The following ATP10D variants were observed in gnomAD, a reference collection of about 807,000 sequenced individuals.
ATP10D encodes phospholipid-transporting ATPase VD.
A neutral mutation model predicts 144.8 loss-of-function variants in ATP10D; 89 were observed. That is an observed-to-expected ratio of 0.61 (90% CI 0.52 to 0.73). The LOEUF (loss-of-function observed/expected upper bound fraction) is 0.73, where lower values mean the gene tolerates loss of function less well. ATP10D is among the 30% of genes least tolerant of loss of function. The probability of loss-of-function intolerance (pLI) is 0.00; values close to 1 mark genes in which losing one functional copy is unlikely to be tolerated. For missense variants in ATP10D, 1,603 were observed against 1,714.8 expected (o/e 0.93, Z 1.15); for synonymous variants, 571 against 615.1 (o/e 0.93, Z 1.06).
In ATP10D at chr4:47,536,884, A is replaced by G; in HGVS notation, c.1342A>G (p.Met448Val). Reference sequence around the variant, plus strand: ...GACAGGAACCCTCACTGAGAATAAGATGGTTTTTCGAAGATGTAGTGTGGC... The same window carrying G: ...GACAGGAACCCTCACTGAGAATAAGGTGGTTTTTCGAAGATGTAGTGTGGC... ...DKTGTLTENK[M>V]VFRRCSVAGF... Residue 448 changes from methionine (M) to valine (V), a missense_variant, in exon 9 of 23, where the codon ATG becomes GTG. Met to Val is a conservative substitution (Grantham distance 21, BLOSUM62 1). Transcript: ENST00000273859. The G allele has an allele frequency of 6.2e-7, 1 of 1,613,270 alleles. No individual in the cohort carries two copies. Among genetic ancestry groups the G allele is most frequent in the South Asian group, 1.1e-5 (1 of 90,962 alleles).
intron 16 of ATP10D, among the ~76,000 whole-genome samples, chr4:47,569,602 T>C (rs1719836798): frequency 6.6e-6 from 1 of 152,196 alleles, no homozygotes; most frequent in African/African-American, 2.4e-5. Context: ...ATTGGCAAAC[T>C]ACCTTTTTAC....
At position 47,563,517 on chromosome 4, in the gene ATP10D, A is replaced by C. The variant is rs564230807; in HGVS notation, c.2669-64A>C. ...GCTAACAGATATGATTCAACTGTAG[A>C]CTAGCTGAGCTTCAGCTGGCTTTGG... On this transcript the variant is annotated intron_variant, in intron 14 of 22. Transcript: ENST00000273859. 6.0e-5 allele frequency: 84 copies of C among 1,400,054 alleles called. No homozygotes were observed. In the Middle Eastern group the frequency reaches 7.4e-4, roughly 12 times the overall value. 86.7% of individuals were successfully genotyped at this position (1,400,054 alleles called of 1,614,324 possible).
chr4:47,502,012 T>A (rs1331988984), intron 1 of ATP10D, among the ~76,000 whole-genome samples: 1 of 152,160 alleles, frequency 6.6e-6, no homozygotes, highest in Non-Finnish European at 1.5e-5. Context: ...TAAAAAGAGA[T>A]TAAGACATAT....
chr4:47,560,766 T>C (rs1450687339), intron 13 of ATP10D, among the ~76,000 whole-genome samples, 183 bp from the exon 14 acceptor site: 2 of 147,616 alleles, frequency 1.4e-5, no homozygotes, highest in Non-Finnish European at 3.0e-5. Flanking sequence ...TGCACTAGTC[T>C]GACCACAGAG....
intron 20 of ATP10D, 43 bp from the exon 21 acceptor site, chr4:47,581,917 G>C: frequency 6.6e-7 from 1 of 1,518,092 alleles, no homozygotes; most frequent in Non-Finnish European, 9.1e-7. Flanking sequence ...CCCACACCAA[G>C]TTGCACAACT....
intron 19 of ATP10D, among the ~76,000 whole-genome samples, chr4:47,577,561 G>A (rs1463535203): frequency 6.6e-6 from 1 of 152,180 alleles, no homozygotes; most frequent in Non-Finnish European, 1.5e-5. Context: ...TCCAGCCATA[G>A]CAAGCTCTCA....
intron 1 of ATP10D, among the ~76,000 whole-genome samples, chr4:47,507,356 C>T (rs1716073192): frequency 1.3e-5 from 2 of 152,112 alleles, no homozygotes; most frequent in Admixed American, 1.3e-4. Context: ...TTGACATTGG[C>T]CTCTGGCTCC....
chr4:47,570,158 A>G (rs1425751731), intron 16 of ATP10D, among the ~76,000 whole-genome samples: 1 of 152,162 alleles, frequency 6.6e-6, no homozygotes, highest in African/African-American at 2.4e-5. Context: ...TCAGCAAGAG[A>G]TGATGGCAGC....
chr4:47,566,404 A>T (rs1203165341), intron 15 of ATP10D, among the ~76,000 whole-genome samples: 1 of 152,022 alleles, frequency 6.6e-6, no homozygotes, highest in Non-Finnish European at 1.5e-5. Flanking sequence ...TTTCATTTAA[A>T]TTTTTCTCCT....
intron 5 of ATP10D, 129 bp downstream of exon 5, chr4:47,525,771 AC>A: frequency 1.4e-6 from 1 of 690,048 alleles, no homozygotes; most frequent in Non-Finnish European, 2.5e-6. Context: ...TTAGCCACCT[AC>A]TAAAATAGTT....
intron 15 of ATP10D, among the ~76,000 whole-genome samples, chr4:47,564,784 T>C (rs879656813): frequency 2.6e-5 from 4 of 152,074 alleles, no homozygotes; most frequent in Non-Finnish European, 4.4e-5. Flanking sequence ...TTTGTGCACA[T>C]TGTTTATTTT....
At chr4:47,520,621 T>G (rs569619594) in intron 3 of ATP10D, among the ~76,000 whole-genome samples, 1 of 152,168 alleles carries the variant, frequency 6.6e-6, no homozygotes, top group South Asian at 2.1e-4. Flanking sequence ...CAGGTTGGAG[T>G]GCAGTGGCGC....
intron 5 of ATP10D, among the ~76,000 whole-genome samples, chr4:47,529,187 C>T (rs1000471905): frequency 5.3e-5 from 8 of 151,934 alleles, no homozygotes; most frequent in African/African-American, 1.9e-4. Flanking sequence ...CATTTGCTTT[C>T]GAAGTCTTAA....
chr4:47,580,761 A>T (rs1009080821), intron 20 of ATP10D, among the ~76,000 whole-genome samples: 1 of 152,178 alleles, frequency 6.6e-6, no homozygotes, highest in Non-Finnish European at 1.5e-5. Context: ...ATATAATTAG[A>T]TTAGTCAAAA....
chr4:47,582,190 A>G, intron 21 of ATP10D, 126 bp downstream of exon 21: 1 of 766,736 alleles, frequency 1.3e-6, no homozygotes, highest in East Asian at 2.6e-5. Context: ...GAGAAGGGTG[A>G]TCACAGCTAC....
At chr4:47,576,649 A>T in intron 18 of ATP10D, 124 bp from the exon 19 acceptor site, 1 of 846,624 alleles carries the variant, frequency 1.2e-6, no homozygotes, top group South Asian at 1.6e-5. Context: ...TTGTGGTCCT[A>T]TCTTATATAA....
chr4:47,531,014 G>T (rs1717538644), intron 5 of ATP10D, among the ~76,000 whole-genome samples: 1 of 152,082 alleles, frequency 6.6e-6, no homozygotes, highest in African/African-American at 2.4e-5. Context: ...TGGCTTCATG[G>T]AATGAGTTAG....
intron 15 of ATP10D, among the ~76,000 whole-genome samples, chr4:47,564,353 C>A (rs28488258): frequency 0.14 from 20,881 of 151,200 alleles, 1,683 homozygotes; most frequent in Non-Finnish European, 0.19. Context: ...TATTTGCTTT[C>A]CCCCCTCCAC....
chr4:47,502,367 G>GGCT (rs995572372), intron 1 of ATP10D, among the ~76,000 whole-genome samples: 27 of 151,982 alleles, frequency 1.8e-4, no homozygotes, highest in African/African-American at 6.5e-4. Context: ...GCTACTCGGG[G>GGCT]GCTGAGGCAG....
Sources: allele counts gnomAD v4.1 joint callset (sites outside exome capture counted in the v4.1 genomes callset), GRCh38; gene constraint gnomAD v4.1.1; transcripts MANE v1.5; gene names NCBI Gene and HGNC (gene_info 2026-07-23, HGNC 2026-07-21).